TCF7: variants seen among roughly 807,000 people sequenced by gnomAD.
The protein encoded by TCF7 is transcription factor 7.
TCF7 carries 19 observed loss-of-function variants against 46.8 expected under a neutral mutation model. That is an observed-to-expected ratio of 0.41 (90% CI 0.28 to 0.60). TCF7 has a LOEUF of 0.60. Among genes scored for constraint, TCF7 ranks in the 20% least tolerant of loss-of-function variants. TCF7 has a pLI of 0.35. For synonymous variants in TCF7, 245 were observed against 213.4 expected (o/e 1.15, Z -1.29); for missense variants, 547 against 504.6 (o/e 1.08, Z -0.81).
intron 3 of TCF7, among the ~76,000 whole-genome samples, chr5:134,135,379 A>G (rs536883243): frequency 3.6e-4 from 55 of 152,294 alleles, no homozygotes; most frequent in African/African-American, 1.2e-3. Context: ...GCGGAGGGGC[A>G]GGAGAGAAGC....
At chr5:134,115,184 C>T in intron 1 of TCF7, 29 bp downstream of exon 1, 1 of 1,070,722 alleles carries the variant, frequency 9.3e-7, no homozygotes, top group Middle Eastern at 4.3e-4. Flanking sequence ...CGGCTCCTCC[C>T]CCGCGGTCGC....
chr5:134,145,228 T>C, intron 9 of TCF7: 1 of 562,394 alleles, frequency 1.8e-6, no homozygotes, highest in Admixed American at 1.9e-5. Context: ...AAAGTCATTA[T>C]GGCCCATGGG....
intron 3 of TCF7, among the ~76,000 whole-genome samples, chr5:134,122,384 C>A (rs1440073171): frequency 2.6e-5 from 4 of 152,088 alleles, no homozygotes; most frequent in Admixed American, 6.5e-5. Context: ...CCCCCAGGCT[C>A]TACCAGGTTC....
chr5:134,143,587 T>A lies in TCF7; in HGVS notation c.1027-5T>A. 6.2e-7 allele frequency: 1 copy of A among 1,614,122 alleles called. No individual in the cohort carries two copies. Among genetic ancestry groups the A allele is most frequent in the Non-Finnish European group, 8.5e-7 (1 of 1,180,008 alleles). Reference sequence around the variant, plus strand: ...TCTGAGCATCCCTCCTTTTGTTCCCTGCAGGGGAAGAAGAAGAGGCGGTCG... The same window carrying A: ...TCTGAGCATCCCTCCTTTTGTTCCCAGCAGGGGAAGAAGAAGAGGCGGTCG... On this transcript the variant is annotated splice_region_variant and splice_polypyrimidine_tract_variant and intron_variant, in intron 8 of 9. Transcript: ENST00000342854.
intron 3 of TCF7, chr5:134,123,593 T>C: frequency 2.3e-6 from 1 of 429,476 alleles, no homozygotes; most frequent in South Asian, 1.7e-5. Context: ...AGGCAGAGGC[T>C]GGCATGCTCC....
Position 134,115,036 on chromosome 5 carries a change from C to T in TCF7, c.130C>T (p.Pro44Ser). 8.0e-7 allele frequency: 1 copy of T among 1,249,148 alleles called. No individual in the cohort carries two copies. The highest frequency in any genetic ancestry group is 1.0e-6 in the Non-Finnish European group (1 of 971,668). The allele number at this position is 1,249,148 out of a possible 1,614,324, so 77.4% of individuals were successfully genotyped here. ...DDKSRDSAAG[P>S]ERDLAELKSS... ...CAAGAGCCGCGACAGCGCCGCCGGTCCCGAGCGCGACCTGGCCGAGCTCAA... is the reference window on the plus strand; with the variant it reads ...CAAGAGCCGCGACAGCGCCGCCGGTTCCGAGCGCGACCTGGCCGAGCTCAA... The change falls in exon 1 of 10, where the codon CCC (proline) becomes TCC (serine). Residue 44 changes from proline to serine, a missense_variant. Physicochemically the swap from Pro to Ser is moderately conservative, Grantham distance 74. This residue lies in a region of TCF7 where 425 missense variants were observed against 349.9 expected (regional missense o/e 1.21). Coordinates refer to ENST00000342854, the MANE Select transcript of TCF7 (RefSeq NM_003202.5).
At chr5:134,139,106 T>C in intron 5 of TCF7, 68 bp downstream of exon 5, 1 of 1,579,922 alleles carries the variant, frequency 6.3e-7, no homozygotes, top group Non-Finnish European at 8.6e-7. Flanking sequence ...TGCCCTTCCA[T>C]TTCCTCCTCC....
intron 5 of TCF7, chr5:134,141,832 G>A (rs1177264141): frequency 1.5e-5 from 3 of 194,420 alleles, no homozygotes; most frequent in African/African-American, 6.9e-5. Flanking sequence ...TGTGGAGAGA[G>A]GCCTGGAAGG....
upstream of TCF7, among the ~76,000 whole-genome samples, chr5:134,114,028 C>A (rs1017006541): frequency 6.6e-6 from 1 of 152,148 alleles, no homozygotes; most frequent in Admixed American, 6.5e-5. Flanking sequence ...TGGCTGTGTT[C>A]GCGGCTCGGA....
chr5:134,132,698 C>T (rs369747180), intron 3 of TCF7, among the ~76,000 whole-genome samples: 2 of 144,662 alleles, frequency 1.4e-5, no homozygotes, highest in African/African-American at 2.6e-5. Flanking sequence ...GGGAAAATGC[C>T]GACTGTGTTT....
chr5:134,112,554 A>C (rs1185025272), upstream of TCF7, among the ~76,000 whole-genome samples: 1 of 152,176 alleles, frequency 6.6e-6, no homozygotes, highest in Admixed American at 6.5e-5. Flanking sequence ...CTATGACCCC[A>C]TAGGACAGTT....
At chr5:134,113,566 A>G (rs1755401840), upstream of TCF7, among the ~76,000 whole-genome samples, 1 of 152,224 alleles carries the variant, frequency 6.6e-6, no homozygotes, top group South Asian at 2.1e-4. Flanking sequence ...CTCTCAGAAG[A>G]GGCGTGAGCG....
chr5:134,132,752 G>C (rs958915489), intron 3 of TCF7, among the ~76,000 whole-genome samples: 3 of 151,814 alleles, frequency 2.0e-5, no homozygotes, highest in African/African-American at 7.2e-5. Flanking sequence ...TGCGGGTTGG[G>C]GGGGTGGTGA....
intron 3 of TCF7, among the ~76,000 whole-genome samples, chr5:134,135,143 A>G (rs1382104021): frequency 1.3e-5 from 2 of 152,104 alleles, no homozygotes; most frequent in Admixed American, 6.5e-5. Context: ...TATTTTTAGT[A>G]GAGACAAGGT....
rs772878464 is a variant in TCF7 at position 134,115,338 on chromosome 5, C to T, written c.267C>T (p.His89=). 1.7e-5 allele frequency: 27 copies of T among 1,596,186 alleles called. No individual in the cohort carries two copies. In the Admixed American group the frequency reaches 4.6e-4, roughly 27 times the overall value. ...RGEAEALGRE[H]AAQRLFPDKL... is the part of the protein sequence containing the mutation. Reference sequence around the variant, plus strand: ...CCCTCCAGGCTCTCGGGCGGGAACACGCTGCGCAGAGACTCTTCCCGGACA... The same window carrying T: ...CCCTCCAGGCTCTCGGGCGGGAACATGCTGCGCAGAGACTCTTCCCGGACA... Residue 89 remains histidine (H), a synonymous_variant, in exon 2 of 10, where the codon CAC becomes CAT. Transcript: ENST00000342854.
At chr5:134,117,679 A>G (rs954359395) in intron 3 of TCF7, among the ~76,000 whole-genome samples, 1 of 152,230 alleles carries the variant, frequency 6.6e-6, no homozygotes, top group Admixed American at 6.5e-5. Context: ...CACATGGGTC[A>G]AGAGTAGGCT....
At chr5:134,135,425 G>A (rs1468369468) in intron 3 of TCF7, among the ~76,000 whole-genome samples, 1 of 152,180 alleles carries the variant, frequency 6.6e-6, no homozygotes, top group African/African-American at 2.4e-5. Flanking sequence ...AGTCATCCAG[G>A]TGCAAAGTGA....
intron 3 of TCF7, among the ~76,000 whole-genome samples, chr5:134,126,104 G>A (rs1176614596): frequency 2.6e-5 from 4 of 152,268 alleles, no homozygotes; most frequent in Admixed American, 6.5e-5. Context: ...TGTGGCTGGC[G>A]TGGTGGCCAG....
intron 8 of TCF7, 114 bp downstream of exon 8, chr5:134,143,214 G>C: frequency 1.7e-6 from 2 of 1,173,410 alleles, no homozygotes; most frequent in Middle Eastern, 4.6e-4. Flanking sequence ...GCACCGATGA[G>C]GAAGGGCACG....
Sources: allele counts gnomAD v4.1 joint callset (sites outside exome capture counted in the v4.1 genomes callset), GRCh38; gene constraint gnomAD v4.1.1; regional missense constraint gnomAD v4.1.1; transcripts MANE v1.5; gene names NCBI Gene and HGNC (gene_info 2026-07-23, HGNC 2026-07-21).